The following GSE1 variants were observed in gnomAD, a reference collection of about 807,000 sequenced individuals.
GSE1 encodes the protein Gse1 coiled-coil protein, also known as genetic suppressor element 1.
GSE1 carries 32 observed loss-of-function variants against 112.6 expected under a neutral mutation model. That is an observed-to-expected ratio of 0.28 (90% confidence interval 0.21 to 0.38). The LOEUF (loss-of-function observed/expected upper bound fraction) is 0.38, where lower values mean the gene tolerates loss of function less well. GSE1 is among the 10% of genes least tolerant of loss of function. GSE1 has a pLI of 1.00. For missense variants in GSE1, 2,348 were observed against 1,699.2 expected (o/e 1.38, Z -6.71); for synonymous variants, 1,115 against 735.6 (o/e 1.52, Z -8.35).
chr16:85,219,456 C>T (rs545446274), intron 1 of GSE1, among the ~76,000 whole-genome samples: 1 of 152,310 alleles, frequency 6.6e-6, no homozygotes, highest in South Asian at 2.1e-4. Flanking sequence ...AGCTGCTGGC[C>T]TGGGGCTGGC....
chr16:85,660,190 G>C (rs2052315662), intron 8 of GSE1, among the ~76,000 whole-genome samples: 1 of 152,232 alleles, frequency 6.6e-6, no homozygotes, highest in Non-Finnish European at 1.5e-5. Flanking sequence ...GGAAAGTGCG[G>C]ATGAGCGCTT....
intron 1 of GSE1, among the ~76,000 whole-genome samples, chr16:85,342,529 C>T (rs1310551413): frequency 6.6e-6 from 1 of 152,138 alleles, no homozygotes; most frequent in East Asian, 2.0e-4. Context: ...CTCGGCAGCC[C>T]CACCAGCCCC....
At chr16:85,337,699 G>C (rs921829186) in intron 1 of GSE1, among the ~76,000 whole-genome samples, 1 of 152,234 alleles carries the variant, frequency 6.6e-6, no homozygotes, top group African/African-American at 2.4e-5. Context: ...GCCTTCAGGG[G>C]TCCATGGGTG....
intron 1 of GSE1, among the ~76,000 whole-genome samples, chr16:85,557,137 C>G (rs2045269146): frequency 6.6e-6 from 1 of 152,092 alleles, no homozygotes; most frequent in Non-Finnish European, 1.5e-5. Flanking sequence ...TACATGGAAG[C>G]TGGTGATCCA....
intron 8 of GSE1, among the ~76,000 whole-genome samples, chr16:85,659,054 ATGAAATAT>A (rs1365205103): frequency 6.6e-6 from 1 of 152,232 alleles, no homozygotes; most frequent in Non-Finnish European, 1.5e-5. Flanking sequence ...GGTGTGGCGC[ATGAAATAT>A]TTATTCTCCT....
intron 2 of GSE1, among the ~76,000 whole-genome samples, chr16:85,488,205 C>T (rs2050903313): frequency 6.6e-6 from 1 of 152,196 alleles, no homozygotes; most frequent in Non-Finnish European, 1.5e-5. Flanking sequence ...CCTGCTGCCT[C>T]ATCTTCTTCT....
At chr16:85,358,122 G>A (rs2046991342) in intron 2 of GSE1, among the ~76,000 whole-genome samples, 1 of 151,990 alleles carries the variant, frequency 6.6e-6, no homozygotes, top group African/African-American at 2.4e-5. Flanking sequence ...TCCCACTCCC[G>A]CCAGCCACAG....
intron 1 of GSE1, among the ~76,000 whole-genome samples, chr16:85,234,584 C>T (rs1904401795): frequency 6.6e-6 from 1 of 152,204 alleles, no homozygotes; most frequent in Non-Finnish European, 1.5e-5. Context: ...TGGGCTGTGT[C>T]CTCATTCCCA....
At chr16:85,457,568 G>A (rs1188649142) in intron 2 of GSE1, among the ~76,000 whole-genome samples, 2 of 152,240 alleles carry the variant, frequency 1.3e-5, no homozygotes, top group African/African-American at 2.4e-5. Context: ...CATGCAGAGA[G>A]CAGGGCAAGG....
At chr16:85,547,042 A>G (rs1487911883) in intron 2 of GSE1, among the ~76,000 whole-genome samples, 1 of 152,044 alleles carries the variant, frequency 6.6e-6, no homozygotes, top group African/African-American at 2.4e-5. Flanking sequence ...AGTTTTGTGG[A>G]GGGCGGGCAG....
rs542399815 is a variant in GSE1 at position 85,180,183 on chromosome 16, GGATTGGGCTTCCCGC to G, written c.2283+8379_2283+8393del. ...GGAGCCCTTGATTAAATCGGTTGCT[GGATTGGGCTTCCCGC>G]GAGAGGTGCAGAACCTCATTGGAGT... On this transcript the variant is annotated intron_variant, in intron 1 of 2. Coordinates refer to the GSE1 transcript ENST00000637419. 1.6e-3 allele frequency among the ~76,000 whole-genome samples: 237 copies of G among 152,346 alleles called. 1 individual carries two copies. The highest frequency in any genetic ancestry group is 5.3e-3 in the African/African-American group (220 of 41,590).
At chr16:85,521,778 G>T (rs538301044) in intron 2 of GSE1, among the ~76,000 whole-genome samples, 5 of 152,372 alleles carry the variant, frequency 3.3e-5, no homozygotes, top group South Asian at 4.1e-4. Context: ...AGAGGGGCCA[G>T]CCTCTTTCTG....
chr16:85,197,465 C>G (rs1215145355), intron 1 of GSE1, among the ~76,000 whole-genome samples: 1 of 152,192 alleles, frequency 6.6e-6, no homozygotes, highest in African/African-American at 2.4e-5. Flanking sequence ...AGCATAACAC[C>G]CAGGGTGTCA....
chr16:85,297,669 A>G (rs1442355665), intron 1 of GSE1, among the ~76,000 whole-genome samples: 2 of 151,956 alleles, frequency 1.3e-5, no homozygotes, highest in East Asian at 1.9e-4. Context: ...GTGCCTGGCT[A>G]ATTTTCCTTT....
At chr16:85,390,739 G>C (rs1182373394) in intron 2 of GSE1, among the ~76,000 whole-genome samples, 2 of 134,792 alleles carry the variant, frequency 1.5e-5, no homozygotes, top group African/African-American at 2.8e-5. Context: ...CCAGCTCTGG[G>C]AGCCTGGCCC....
At chr16:85,212,701 AACTAATATG>A (rs1374333010) in intron 1 of GSE1, among the ~76,000 whole-genome samples, 4 of 152,162 alleles carry the variant, frequency 2.6e-5, no homozygotes, top group Non-Finnish European at 4.4e-5. Context: ...TGCCCAAGAA[AACTAATATG>A]ACGCCCCACA....
At chr16:85,245,076 G>A (rs1052649084) in intron 1 of GSE1, among the ~76,000 whole-genome samples, 2 of 151,438 alleles carry the variant, frequency 1.3e-5, no homozygotes, top group Non-Finnish European at 1.5e-5. Context: ...GTGGGAGGAC[G>A]GCTTGAGCCC....
intron 2 of GSE1, among the ~76,000 whole-genome samples, chr16:85,480,913 C>A (rs1346494127): frequency 6.6e-6 from 1 of 152,238 alleles, no homozygotes; most frequent in East Asian, 1.9e-4. Flanking sequence ...GCTGAGCAAG[C>A]ACCGGCGGTG....
intron 1 of GSE1, among the ~76,000 whole-genome samples, chr16:85,564,605 G>C (rs1025045177): frequency 1.3e-5 from 2 of 152,200 alleles, no homozygotes; most frequent in African/African-American, 2.4e-5. Context: ...ACTTGGCAGG[G>C]AAGGCCACCA....
Sources: gnomAD v4.1 joint callset for allele counts (sites outside exome capture counted in the v4.1 genomes callset) on GRCh38, gnomAD v4.1.1 for gene constraint, MANE v1.5 for transcripts, NCBI Gene and HGNC (gene_info 2026-07-23, HGNC 2026-07-21) for gene names.